The following WDFY2 variants were observed in gnomAD, a reference collection of about 807,000 sequenced individuals.
WDFY2 encodes the protein WD repeat and FYVE domain-containing protein 2.
In WDFY2, 36 loss-of-function variants were observed where a neutral mutation model predicts 56.4. That is an observed-to-expected ratio of 0.64 (90% confidence interval 0.49 to 0.84). The LOEUF (loss-of-function observed/expected upper bound fraction) is 0.84, where lower values mean the gene tolerates loss of function less well. WDFY2 is among the 40% of genes least tolerant of loss of function. WDFY2 has a pLI of 0.00. For missense variants in WDFY2, 444 were observed against 512.2 expected (o/e 0.87, Z 1.29); for synonymous variants, 176 against 183.7 (o/e 0.96, Z 0.34).
intron 4 of WDFY2, among the ~76,000 whole-genome samples, chr13:51,717,460 A>C (rs1952381368): frequency 6.6e-6 from 1 of 152,032 alleles, no homozygotes; most frequent in African/African-American, 2.4e-5. Context: ...CTGGCACAGG[A>C]AGGCTGCTCA....
At chr13:51,756,245 A>G (rs1257491314) in intron 9 of WDFY2, 87 bp from the exon 10 acceptor site, 2 of 1,523,782 alleles carry the variant, frequency 1.3e-6, no homozygotes, top group African/African-American at 2.8e-5. Context: ...GCAGTTGATT[A>G]CACCTCTCTG....
chr13:51,586,327 T>G (rs76075343), intron 1 of WDFY2: 19,233 of 343,892 alleles, frequency 0.056, 625 homozygotes, highest in Non-Finnish European at 0.068. Flanking sequence ...ACTGATCAAT[T>G]TCTAACTGCT....
chr13:51,620,659 C>T (rs1474861154), intron 1 of WDFY2, among the ~76,000 whole-genome samples: 1 of 152,116 alleles, frequency 6.6e-6, no homozygotes, highest in Non-Finnish European at 1.5e-5. Context: ...GTCAGGGCCA[C>T]AGAGGAAGGA....
chr13:51,765,083 GT>G lies in WDFY2; in HGVS notation c.*5317del, dbSNP rs1318603274. On this transcript the variant is annotated 3_prime_UTR_variant, in exon 12 of 12. Coordinates refer to ENST00000298125, the MANE Select transcript of WDFY2 (RefSeq NM_052950.4). ...GGCACTTGCAACAGGAAGGCAGAGA[GT>G]TTCGTCAATTCAGGTACAGGTCTGT... is the stretch of plus-strand genomic sequence containing the variant. 6 of 152,158 alleles carry G rather than the reference GT, an allele frequency of 3.9e-5. No homozygotes were observed. The East Asian group carries it at 1.2e-3, about 29-fold the overall frequency. The allele number at this position is 152,158 out of a possible 1,614,324, so 9.4% of individuals were successfully genotyped here. A position where few individuals can be genotyped will look rare whatever the true frequency, so the allele number is the denominator to read the frequency against.
chr13:51,607,588 C>T (rs952322018), intron 1 of WDFY2, among the ~76,000 whole-genome samples: 2 of 151,546 alleles, frequency 1.3e-5, no homozygotes, highest in Admixed American at 6.6e-5. Flanking sequence ...ATCTTATCAT[C>T]AATGGCATCT....
intron 8 of WDFY2, among the ~76,000 whole-genome samples, chr13:51,754,868 ATATT>A (rs1477144236): frequency 2.0e-5 from 3 of 152,178 alleles, no homozygotes; most frequent in African/African-American, 7.2e-5. Context: ...ATGTCTTTAA[ATATT>A]TATTTGTTTT....
At chr13:51,752,627 G>T (rs1953263996) in intron 8 of WDFY2, among the ~76,000 whole-genome samples, 1 of 152,218 alleles carries the variant, frequency 6.6e-6, no homozygotes, top group Admixed American at 6.5e-5. Context: ...GCCAAAGGAA[G>T]ATAACAGTGT....
intron 1 of WDFY2, chr13:51,590,475 C>T (rs1179059052): frequency 6.6e-6 from 1 of 152,272 alleles, no homozygotes; most frequent in East Asian, 1.9e-4. Flanking sequence ...ATCTTGATGT[C>T]ATTAGAAATA....
chr13:51,721,660 G>A (rs1022221839), intron 5 of WDFY2, among the ~76,000 whole-genome samples: 14 of 152,122 alleles, frequency 9.2e-5, no homozygotes, highest in Non-Finnish European at 1.8e-4. Context: ...CAGCCTCACT[G>A]TTCAGGTGGT....
chr13:51,745,262 A>G (rs1446446963), intron 7 of WDFY2, among the ~76,000 whole-genome samples: 1 of 152,212 alleles, frequency 6.6e-6, no homozygotes, highest in Non-Finnish European at 1.5e-5. Flanking sequence ...AGATAGGGAA[A>G]ACCCAATTGG....
At chr13:51,748,419 T>C (rs183196125) in intron 7 of WDFY2, among the ~76,000 whole-genome samples, 205 of 152,340 alleles carry the variant, frequency 1.3e-3, no homozygotes, top group African/African-American at 4.6e-3. Context: ...GGAGTGTTCA[T>C]TTCATTTGTG....
chr13:51,675,127 A>G, intron 2 of WDFY2, 43 bp from the exon 3 acceptor site: 2 of 1,588,616 alleles, frequency 1.3e-6, no homozygotes, highest in Non-Finnish European at 1.7e-6. Context: ...GTCGATGAGA[A>G]TCATGGTTTT....
At chr13:51,587,594 T>A (rs1953969115) in intron 1 of WDFY2, 1 of 152,242 alleles carries the variant, frequency 6.6e-6, no homozygotes, top group African/African-American at 2.4e-5. Context: ...CATGAATTGC[T>A]TCATTTATTC....
Position 51,764,731 on chromosome 13 carries a change from T to C in WDFY2, c.*4962T>C, listed in dbSNP as rs1394970238. 2 of 152,238 alleles carry C rather than the reference T, an allele frequency of 1.3e-5. No homozygotes were observed. The highest frequency in any genetic ancestry group is 2.4e-5 in the African/African-American group (1 of 41,460). 9.4% of individuals were successfully genotyped at this position (152,238 alleles called of 1,614,324 possible). A position where few individuals can be genotyped will look rare whatever the true frequency, so the allele number is the denominator to read the frequency against. ...AATCCCTAGAACTGTTAACTGAAGGTGACTCAGGGTAACTAATTCTGGATC... is the reference window on the plus strand; with the variant it reads ...AATCCCTAGAACTGTTAACTGAAGGCGACTCAGGGTAACTAATTCTGGATC... On this transcript the variant is annotated 3_prime_UTR_variant, in exon 12 of 12. Transcript: ENST00000298125.
intron 8 of WDFY2, among the ~76,000 whole-genome samples, chr13:51,752,363 A>G (rs185947893): frequency 2.0e-5 from 3 of 152,340 alleles, no homozygotes; most frequent in Admixed American, 2.0e-4. Context: ...ATTGCTTTTG[A>G]AAACTATATT....
At chr13:51,668,306 C>T (rs1279661225) in intron 2 of WDFY2, among the ~76,000 whole-genome samples, 2 of 152,054 alleles carry the variant, frequency 1.3e-5, no homozygotes, top group Non-Finnish European at 2.9e-5. Flanking sequence ...TCTGACGGGG[C>T]ATTTTAAAAT....
intron 1 of WDFY2, among the ~76,000 whole-genome samples, chr13:51,633,138 C>T (rs1205983953): frequency 1.3e-5 from 2 of 152,168 alleles, no homozygotes; most frequent in Non-Finnish European, 2.9e-5. Context: ...GGGTAGTTTC[C>T]CTTCCCCCTG....
At chr13:51,758,400 G>A (rs1254986185) in intron 11 of WDFY2, 100 bp downstream of exon 11, 1 of 819,564 alleles carries the variant, frequency 1.2e-6, no homozygotes. Flanking sequence ...GGTTATCCTT[G>A]GGTAGCCGGC....
intron 3 of WDFY2, among the ~76,000 whole-genome samples, 188 bp from the exon 4 acceptor site, chr13:51,703,408 A>G (rs1182993871): frequency 1.3e-5 from 2 of 152,198 alleles, no homozygotes; most frequent in Non-Finnish European, 2.9e-5. Flanking sequence ...TAAAATTATG[A>G]TAACTGCATT....
Sources: gnomAD v4.1 joint callset for allele counts (sites outside exome capture counted in the v4.1 genomes callset) on GRCh38, gnomAD v4.1.1 for gene constraint, MANE v1.5 for transcripts, NCBI Gene and HGNC (gene_info 2026-07-23, HGNC 2026-07-21) for gene names.